SPATA21: variants seen among roughly 807,000 people sequenced by gnomAD.
SPATA21 encodes spermatogenesis-associated protein 21.
Under a neutral mutation model 54.8 loss-of-function variants are expected in SPATA21, and 47 were observed. The observed-to-expected ratio is 0.86, with a 90% CI of 0.68 to 1.09. The LOEUF (loss-of-function observed/expected upper bound fraction) is 1.09, where lower values mean the gene tolerates loss of function less well. Among genes scored for constraint, SPATA21 ranks in the 50% least tolerant of loss-of-function variants. The pLI, the probability that SPATA21 is intolerant of heterozygous loss-of-function variation, is 0.00. For missense variants in SPATA21, 599 were observed against 596.4 expected, an observed-to-expected ratio of 1.00 and a Z score of -0.05; for synonymous variants, 245 against 235.3, an observed-to-expected ratio of 1.04 and a Z score of -0.38.
In SPATA21 at chr1:16,398,742, C is replaced by T. The variant is rs779386041; in HGVS notation, c.*23G>A. The T allele has an allele frequency of 3.1e-6, 5 of 1,613,654 alleles. No homozygotes were observed. The Admixed American group carries it at 6.7e-5, about 22-fold the overall frequency. ...TCTGTCTACAGGCCTTGAGCAGCTG[C>T]CTAGAGTCAGGCCTCCAGAGGGTCA... On this transcript the variant is annotated 3_prime_UTR_variant, in exon 13 of 13. Transcript: ENST00000335496.
intron 1 of SPATA21, among the ~76,000 whole-genome samples, chr1:16,434,714 C>G (rs1224782435): frequency 6.6e-6 from 1 of 152,186 alleles, no homozygotes; most frequent in Non-Finnish European, 1.5e-5. Flanking sequence ...ATTGCTGAAT[C>G]ACATGTCAAC....
chr1:16,400,926 C>G, intron 10 of SPATA21, 34 bp from the exon 11 acceptor site: 1 of 1,598,950 alleles, frequency 6.3e-7, no homozygotes, highest in Non-Finnish European at 8.5e-7. Context: ...CTCAGCCTGG[C>G]TGTGTTTAAT....
Position 16,421,698 on chromosome 1 carries a change from G to T in SPATA21, c.96-141C>A. 1.8e-6 allele frequency: 2 copies of T among 1,114,786 alleles called. No individual in the cohort carries two copies. The highest frequency in any genetic ancestry group is 2.6e-6 in the Non-Finnish European group (2 of 770,304). The allele number at this position is 1,114,786 out of a possible 1,614,324, so 69.1% of individuals were successfully genotyped here. On this transcript the variant is annotated intron_variant, in intron 4 of 12. Transcript: ENST00000335496. The surrounding 1 kb of genome is among the most constrained non-coding windows in gnomAD (Gnocchi z 5.2). ...CTTCTCATCTCAGGGGGCTCCTTAT[G>T]TCCCCACATCCTCATATATACAGGC...
chr1:16,404,970 T>C lies in SPATA21; in HGVS notation c.808A>G (p.Asn270Asp). Reference sequence around the variant, plus strand: ...AGTGGAGCCCTCTGCCACTCACCATTGACATCAGCACTCATCAGGGCGTCC... The same window carrying C: ...AGTGGAGCCCTCTGCCACTCACCATCGACATCAGCACTCATCAGGGCGTCC... ...VEDALMSADVNGDGRVDFKDF... is the reference protein window; with the variant it reads ...VEDALMSADVDGDGRVDFKDF... Residue 270 changes from asparagine to aspartate, a missense_variant, in exon 8 of 13, where the codon AAT (asparagine) becomes GAT (aspartate). Asn to Asp is a conservative substitution (Grantham distance 23). Coordinates refer to ENST00000335496, the MANE Select transcript of SPATA21 (RefSeq NM_198546.1). 2 of 1,573,928 alleles carry C rather than the reference T, an allele frequency of 1.3e-6. No homozygotes were observed. The highest frequency in any genetic ancestry group is 8.6e-7 in the Non-Finnish European group (1 of 1,165,598).
intron 1 of SPATA21, among the ~76,000 whole-genome samples, chr1:16,433,598 C>T (rs867007188): frequency 1.3e-5 from 2 of 152,222 alleles, no homozygotes; most frequent in African/African-American, 2.4e-5. Context: ...TGTGCAGGCT[C>T]AGCCTTGGAA....
intron 2 of SPATA21, among the ~76,000 whole-genome samples, chr1:16,431,938 C>T (rs1272737798): frequency 6.6e-6 from 1 of 152,044 alleles, no homozygotes; most frequent in East Asian, 1.9e-4. Flanking sequence ...GCTGCTCCTG[C>T]TATAGATGAA....
intron 5 of SPATA21, among the ~76,000 whole-genome samples, chr1:16,412,851 G>C (rs1053875581): frequency 6.6e-6 from 1 of 151,336 alleles, no homozygotes; most frequent in African/African-American, 2.4e-5. Context: ...GTGTGGTGGC[G>C]TGATCTTGGC....
At chr1:16,420,636 G>A (rs567120717) in intron 5 of SPATA21, among the ~76,000 whole-genome samples, 12 of 152,248 alleles carry the variant, frequency 7.9e-5, no homozygotes, top group Admixed American at 3.3e-4. Flanking sequence ...GGGAGGGGAC[G>A]AGAGCTAATG....
intron 5 of SPATA21, among the ~76,000 whole-genome samples, chr1:16,412,876 A>G (rs1557657256): frequency 6.6e-6 from 1 of 151,718 alleles, no homozygotes; most frequent in Non-Finnish European, 1.5e-5. Context: ...TGCAACCTCC[A>G]GGGTTTGAGC....
chr1:16,415,679 C>A (rs1343751688), intron 5 of SPATA21, among the ~76,000 whole-genome samples: 1 of 152,182 alleles, frequency 6.6e-6, no homozygotes, highest in Non-Finnish European at 1.5e-5. Context: ...CCTGCCTCAG[C>A]CTCCCGAGTA....
upstream of SPATA21, among the ~76,000 whole-genome samples, chr1:16,437,780 G>A (rs1279236264): frequency 6.6e-6 from 1 of 152,084 alleles, no homozygotes; most frequent in Admixed American, 6.6e-5. Context: ...GGCTGGGTGC[G>A]GTGGCTCACA....
chr1:16,419,000 G>T (rs777283656), intron 5 of SPATA21, among the ~76,000 whole-genome samples: 1 of 152,180 alleles, frequency 6.6e-6, no homozygotes, highest in Non-Finnish European at 1.5e-5. Flanking sequence ...TAGCAAGGCT[G>T]CCCTCAGGGA....
intron 8 of SPATA21, 38 bp from the exon 9 acceptor site, chr1:16,404,077 C>T (rs765731408): frequency 1.2e-5 from 19 of 1,536,768 alleles, no homozygotes; most frequent in Middle Eastern, 1.9e-4. Context: ...CAGGGACCTT[C>T]GGAGCAGGTC....
Position 16,409,565 on chromosome 1 carries a change from T to C in SPATA21, c.587+36A>G. 3 of 1,585,336 alleles carry C rather than the reference T, an allele frequency of 1.9e-6. 1 individual carries two copies. The South Asian group carries it at 3.4e-5, about 18-fold the overall frequency. On this transcript the variant is annotated intron_variant, in intron 6 of 12. Transcript: ENST00000335496. This position sits in a 1 kb window ranked among gnomAD's most constrained non-coding sequence, Gnocchi z 4.1. ...GGACAAGGCTCTGATCTTGGGGCCTTTCAGGAGCGGGCGGGTGAGCAGCGG... is the reference window on the plus strand; with the variant it reads ...GGACAAGGCTCTGATCTTGGGGCCTCTCAGGAGCGGGCGGGTGAGCAGCGG...
At chr1:16,425,140 A>G (rs1440388886) in intron 3 of SPATA21, 1 of 451,456 alleles carries the variant, frequency 2.2e-6, no homozygotes, top group African/African-American at 2.0e-5. Flanking sequence ...GCTGGTCTTG[A>G]CCTCAGGTGA....
At position 16,421,843 on chromosome 1, in the gene SPATA21, C is replaced by T. The variant is rs2086181435; in HGVS notation, c.95+68G>A. The stretch of plus-strand genomic sequence containing the variant: ...CAGGAGCAGTCTGGACTAGAATTCA[C>T]CCCACCTGAAACTCAGCAGAAGAGC... On this transcript the variant is annotated intron_variant, in intron 4 of 12. Transcript: ENST00000335496. The surrounding 1 kb of genome is among the most constrained non-coding windows in gnomAD (Gnocchi z 5.2). The T allele has an allele frequency of 7.4e-6, 12 of 1,611,466 alleles. No homozygotes were observed. In the Middle Eastern group the frequency reaches 6.6e-4, roughly 89 times the overall value.
rs771074191 is a variant in SPATA21 at position 16,421,555 on chromosome 1, C to G, written c.98G>C (p.Gly33Ala). ...TGCTGGGTGGGTCTCCACAGCCTCA[C>G]CCCTGAATAGAAGAGAAACCCCCAG... is the stretch of plus-strand genomic sequence containing the variant. ...TPGPKKAKGGGEAVETHPAPG... is the reference protein window; with the variant it reads ...TPGPKKAKGGAEAVETHPAPG... The change falls in exon 5 of 13, where the codon GGT becomes GCT. Residue 33 changes from glycine (G) to alanine (A), a missense_variant and splice_region_variant. Physicochemically the swap from Gly to Ala is moderately conservative, Grantham distance 60. Transcript: ENST00000335496. This position sits in a 1 kb window ranked among gnomAD's most constrained non-coding sequence, Gnocchi z 5.2. The G allele has an allele frequency of 6.2e-7, 1 of 1,613,520 alleles. No homozygotes were observed. Among genetic ancestry groups the G allele is most frequent in the Non-Finnish European group, 8.5e-7 (1 of 1,179,814 alleles).
intron 5 of SPATA21, among the ~76,000 whole-genome samples, chr1:16,419,170 T>C (rs1271491807): frequency 6.6e-6 from 1 of 151,954 alleles, no homozygotes; most frequent in African/African-American, 2.4e-5. Context: ...AAAACTGATG[T>C]CGAAATTGAA....
At chr1:16,418,765 C>T (rs150048731) in intron 5 of SPATA21, among the ~76,000 whole-genome samples, 1 of 152,194 alleles carries the variant, frequency 6.6e-6, no homozygotes, top group East Asian at 1.9e-4. Flanking sequence ...TGGTCTTGAA[C>T]CCCTGACCTC....
Sources: allele counts gnomAD v4.1 joint callset (sites outside exome capture counted in the v4.1 genomes callset), GRCh38; gene constraint gnomAD v4.1.1; non-coding constraint Gnocchi (gnomAD v3.1); transcripts MANE v1.5; gene names NCBI Gene and HGNC (gene_info 2026-07-23, HGNC 2026-07-21).